The following FRMD8 variants were observed in gnomAD, a reference collection of about 807,000 sequenced individuals.
The protein encoded by FRMD8 is FERM domain containing 8, also known as FERM domain-containing protein 8.
In FRMD8, 37 loss-of-function variants were observed where a neutral mutation model predicts 54.2. That is an observed-to-expected ratio of 0.68 (90% CI 0.53 to 0.90). The LOEUF (loss-of-function observed/expected upper bound fraction) is 0.90, where lower values mean the gene tolerates loss of function less well. Among genes scored for constraint, FRMD8 ranks in the 40% least tolerant of loss-of-function variants. The pLI, the probability that FRMD8 is intolerant of heterozygous loss-of-function variation, is 0.00. For missense variants in FRMD8, 585 were observed against 653.7 expected (o/e 0.89, Z 1.15); for synonymous variants, 246 against 286.9 (o/e 0.86, Z 1.44).
At position 65,394,405 on chromosome 11, in the gene FRMD8, G is replaced by T; in HGVS notation, c.561G>T (p.Arg187=). The T allele has an allele frequency of 6.4e-7, 1 of 1,569,254 alleles. No individual in the cohort carries two copies. ...RVQLGPYQPG[R]PAACDLREKL... ...AGCTTGGGCCCTACCAGCCCGGCCG[G>T]CCGGCAGCCTGCGACCTGAGGTGAG... Residue 187 remains arginine, a synonymous_variant, in exon 6 of 11, where the codon CGG becomes CGT. Coordinates refer to ENST00000317568, the MANE Select transcript of FRMD8 (RefSeq NM_031904.5).
chr11:65,377,869 T>C, the FRMD8 span: 2 of 152,296 alleles, frequency 1.3e-5, no homozygotes, highest in Non-Finnish European at 2.9e-5. Context: ...GGCTAGCCTG[T>C]CTCTGAGGGA....
At chr11:65,393,781 G>T in intron 4 of FRMD8, 107 bp downstream of exon 4, 1 of 978,482 alleles carries the variant, frequency 1.0e-6, no homozygotes, top group Non-Finnish European at 1.6e-6. Flanking sequence ...CTGGCTGAGG[G>T]GCAGGGCCTG....
chr11:65,379,885 C>A, the FRMD8 span: 2 of 1,614,230 alleles, frequency 1.2e-6, no homozygotes, highest in Non-Finnish European at 1.7e-6. Flanking sequence ...GGCGGTAAAT[C>A]TTGACCATGC....
At chr11:65,393,863 G>T (rs1855891082) in intron 4 of FRMD8, 178 bp from the exon 5 acceptor site, 1 of 786,924 alleles carries the variant, frequency 1.3e-6, no homozygotes, top group Non-Finnish European at 2.1e-6. Context: ...CCCATTGGGG[G>T]ATGGGCTGGG....
chr11:65,386,973 TGAG>T (rs892512440), intron 1 of FRMD8, 61 bp from the exon 2 acceptor site: 4 of 1,418,020 alleles, frequency 2.8e-6, no homozygotes, highest in African/African-American at 1.4e-5. Flanking sequence ...ACCGAGAGCT[TGAG>T]GAGACCTCCA....
the FRMD8 span, among the ~76,000 whole-genome samples, chr11:65,373,305 T>G: frequency 6.6e-6 from 1 of 152,192 alleles, no homozygotes; most frequent in African/African-American, 2.4e-5. Context: ...TCAAGGCACC[T>G]GGGAACCGGC....
rs761840200 is a variant in FRMD8 at position 65,396,920 on chromosome 11, C to T, written c.703C>T (p.Arg235Cys). ...CGAGCAGGGCCTGCTGAACGCCTACCGCCAGGTGCAGGAGGTCAGCAGCGA... is the reference window on the plus strand; with the variant it reads ...CGAGCAGGGCCTGCTGAACGCCTACTGCCAGGTGCAGGAGGTCAGCAGCGA... ...PGEQGLLNAY[R>C]QVQEVSSDGG... Residue 235 changes from arginine (R) to cysteine (C), a missense_variant, in exon 7 of 11, where the codon CGC becomes TGC. Arg to Cys is a radical substitution (Grantham distance 180). Transcript: ENST00000317568. The T allele has an allele frequency of 2.8e-5, 43 of 1,552,116 alleles. No individual in the cohort carries two copies. The highest frequency in any genetic ancestry group is 4.9e-5 in the East Asian group (2 of 40,758).
At position 65,405,059 on chromosome 11, in the gene FRMD8, G is replaced by C; in HGVS notation, c.1267G>C (p.Val423Leu). Residue 423 changes from valine to leucine, a missense_variant, in exon 10 of 11, where the codon GTG (valine) becomes CTG (leucine). Physicochemically the swap from Val to Leu is conservative, Grantham distance 32. Transcript: ENST00000317568. ...CCAGCATCTCTCCACCATCGACTAC[G>C]TGGAGGACGGTGAGCAGCCCTTCTG... ...RIQHLSTIDY[V>L]EDGKGIRRVK... is the part of the protein sequence containing the mutation. 1 of 1,613,436 alleles carries C rather than the reference G, an allele frequency of 6.2e-7. No homozygotes were observed. Among genetic ancestry groups the C allele is most frequent in the Middle Eastern group, 1.6e-4 (1 of 6,062 alleles).
Position 65,411,430 on chromosome 11 carries a change from C to T in FRMD8, c.*70C>T, listed in dbSNP as rs768961997. On this transcript the variant is annotated 3_prime_UTR_variant, in exon 11 of 11. Transcript: ENST00000317568. ...CGGCACTGTCCTCCTGAGGGGCAGGCGCCGGCTGCAACAGTCTCATGGGTC... is the reference window on the plus strand; with the variant it reads ...CGGCACTGTCCTCCTGAGGGGCAGGTGCCGGCTGCAACAGTCTCATGGGTC... 3.9e-5 allele frequency: 40 copies of T among 1,035,036 alleles called. No homozygotes were observed. The highest frequency in any genetic ancestry group is 4.8e-5 in the Non-Finnish European group (35 of 732,968). 64.1% of individuals were successfully genotyped at this position (1,035,036 alleles called of 1,614,324 possible). A position where few individuals can be genotyped will look rare whatever the true frequency, so the allele number is the denominator to read the frequency against.
At position 65,400,986 on chromosome 11, in the gene FRMD8, G is replaced by A. The variant is rs960373208; in HGVS notation, c.1071+119G>A. The A allele has an allele frequency of 1.4e-5, 17 of 1,174,196 alleles. No individual in the cohort carries two copies. Among genetic ancestry groups the A allele is most frequent in the Non-Finnish European group, 1.8e-5 (15 of 854,160 alleles). 72.7% of individuals were successfully genotyped at this position (1,174,196 alleles called of 1,614,324 possible). On this transcript the variant is annotated intron_variant, in intron 9 of 10. Coordinates refer to ENST00000317568, the MANE Select transcript of FRMD8 (RefSeq NM_031904.5). The surrounding 1 kb of genome is among the most constrained non-coding windows in gnomAD (Gnocchi z 4.3). ...GGTGAGAAGCTGCCTTGGGCCTGAG[G>A]ATGAAAGCGGCCTGGGCACAAGGGG...
At chr11:65,401,582 C>T (rs1229480832) in intron 9 of FRMD8, among the ~76,000 whole-genome samples, 14 of 150,930 alleles carry the variant, frequency 9.3e-5, no homozygotes, top group Admixed American at 9.3e-4. Flanking sequence ...CCCTGCGCCT[C>T]CCATGCTGGG....
chr11:65,380,777 CCTCT>C, the FRMD8 span: 2 of 352,596 alleles, frequency 5.7e-6, no homozygotes, highest in Admixed American at 7.8e-5. Flanking sequence ...TCAGAACGTC[CCTCT>C]CTTTCTCCTA....
chr11:65,387,128 C>T lies in FRMD8; in HGVS notation c.85+7C>T. On this transcript the variant is annotated splice_region_variant and intron_variant, in intron 2 of 10. Coordinates refer to ENST00000317568, the MANE Select transcript of FRMD8 (RefSeq NM_031904.5). ...TCCTCCGTGGGAGCCCGAGGTGGGT[C>T]CCACCCGCATCTCCTCTTCCACACC... is the stretch of plus-strand genomic sequence containing the variant. The T allele has an allele frequency of 6.2e-7, 1 of 1,603,314 alleles. No individual in the cohort carries two copies. The highest frequency in any genetic ancestry group is 8.5e-7 in the Non-Finnish European group (1 of 1,179,128).
At chr11:65,409,196 C>G (rs1033574450) in intron 10 of FRMD8, among the ~76,000 whole-genome samples, 3 of 152,058 alleles carry the variant, frequency 2.0e-5, no homozygotes, top group African/African-American at 7.2e-5. Flanking sequence ...AGTGATTCTC[C>G]CTGCCTCAGC....
chr11:65,374,336 GTGCCCAGGTGGAGCAGGGTAGC>G, the FRMD8 span, among the ~76,000 whole-genome samples: 1 of 152,154 alleles, frequency 6.6e-6, no homozygotes, highest in African/African-American at 2.4e-5. Flanking sequence ...GGGTAGCCAT[GTGCCCAGGTGGAGCAGGGTAGC>G]TAAGTAACTG....
rs1856042227 is a variant in FRMD8, at chr11:65,400,171, C to T, written c.927+312C>T. On this transcript the variant is annotated intron_variant, in intron 8 of 10. Transcript: ENST00000317568. This position sits in a 1 kb window ranked among gnomAD's most constrained non-coding sequence, Gnocchi z 4.3. ...GAGAACAGCCTGATGCTCCAGAAGA[C>T]CCCGCGACGGGAGCCCTCTTGGGCT... Among the ~76,000 whole-genome samples the T allele has an allele frequency of 6.6e-6, 1 of 152,196 alleles. No homozygotes were observed. Among genetic ancestry groups the T allele is most frequent in the Admixed American group, 6.5e-5 (1 of 15,280 alleles).
chr11:65,389,712 C>T (rs767674458), intron 3 of FRMD8, among the ~76,000 whole-genome samples, 184 bp downstream of exon 3: 6 of 152,158 alleles, frequency 3.9e-5, no homozygotes, highest in Non-Finnish European at 7.4e-5. Context: ...AGAAGGCCCC[C>T]GCTCCTGGCC....
chr11:65,389,639 T>G (rs1855804014), intron 3 of FRMD8, 111 bp downstream of exon 3: 1 of 1,110,074 alleles, frequency 9.0e-7, no homozygotes, highest in Non-Finnish European at 1.3e-6. Flanking sequence ...CCACTGCCCA[T>G]GGGGAAAGGT....
Position 65,400,794 on chromosome 11 carries a change from T to C in FRMD8, c.998T>C (p.Ile333Thr), listed in dbSNP as rs764509853. 43 of 1,612,694 alleles carry C rather than the reference T, an allele frequency of 2.7e-5. No individual in the cohort carries two copies. In the Admixed American group the frequency reaches 4.8e-4, roughly 18 times the overall value. Residue 333 changes from isoleucine (I) to threonine (T), a missense_variant, in exon 9 of 11, where the codon ATC (isoleucine) becomes ACC (threonine). Physicochemically the swap from Ile to Thr is moderately conservative, Grantham distance 89. Transcript: ENST00000317568. This position sits in a 1 kb window ranked among gnomAD's most constrained non-coding sequence, Gnocchi z 4.3. Reference protein sequence around the residue: ...DHTSPEEEEPILWLEFDGDSE... With the variant: ...DHTSPEEEEPTLWLEFDGDSE... Reference sequence around the variant, plus strand: ...ACCTCCCCCGAGGAGGAGGAGCCCATCTTGTGGCTGGAGTTCGACGGGGAC... The same window carrying C: ...ACCTCCCCCGAGGAGGAGGAGCCCACCTTGTGGCTGGAGTTCGACGGGGAC...
Sources: gnomAD v4.1 joint callset for allele counts (sites outside exome capture counted in the v4.1 genomes callset) on GRCh38, gnomAD v4.1.1 for gene constraint, Gnocchi (gnomAD v3.1) non-coding constraint, MANE v1.5 for transcripts, NCBI Gene and HGNC (gene_info 2026-07-23, HGNC 2026-07-21) for gene names.